The following NRXN1 variants were observed in gnomAD, a reference collection of about 807,000 sequenced individuals.
NRXN1 encodes the protein neurexin-1.
In NRXN1, 39 loss-of-function variants were observed where a neutral mutation model predicts 150.9. The observed-to-expected ratio is 0.26, with a 90% CI of 0.20 to 0.34. The LOEUF (loss-of-function observed/expected upper bound fraction) is 0.34. Ranked by LOEUF, NRXN1 falls within the 10% of genes least tolerant of loss-of-function variation. NRXN1 has a pLI of 1.00. For missense variants in NRXN1, 1,815 were observed against 1,949.9 expected, an observed-to-expected ratio of 0.93 and a Z score of 1.30; for synonymous variants, 924 against 757.0, an observed-to-expected ratio of 1.22 and a Z score of -3.62.
intron 5 of NRXN1, among the ~76,000 whole-genome samples, chr2:50,682,481 GGGAAAGGAAAATC>G (rs1354874491): frequency 6.6e-6 from 1 of 152,056 alleles, no homozygotes; most frequent in Non-Finnish European, 1.5e-5. Flanking sequence ...CATTAAATAA[GGGAAAGGAAAATC>G]TACTAGGAGC....
intron 8 of NRXN1, among the ~76,000 whole-genome samples, chr2:50,564,854 T>C (rs192609390): frequency 1.1e-3 from 168 of 152,332 alleles, no homozygotes; most frequent in African/African-American, 3.9e-3. Flanking sequence ...AGATGTCAGA[T>C]GGGTTGTGCC....
At chr2:50,142,159 T>C (rs531768702) in intron 18 of NRXN1, among the ~76,000 whole-genome samples, 1 of 152,120 alleles carries the variant, frequency 6.6e-6, no homozygotes, top group Non-Finnish European at 1.5e-5. Context: ...TGCAGCAACA[T>C]GAATGAAACT....
chr2:50,200,672 A>T (rs2062094886), intron 18 of NRXN1, among the ~76,000 whole-genome samples: 1 of 152,140 alleles, frequency 6.6e-6, no homozygotes, highest in African/African-American at 2.4e-5. Flanking sequence ...GAATAAAATC[A>T]TTTGGTTTCC....
At chr2:50,573,264 G>A (rs1214362461) in intron 8 of NRXN1, among the ~76,000 whole-genome samples, 1 of 151,996 alleles carries the variant, frequency 6.6e-6, no homozygotes, top group East Asian at 1.9e-4. Context: ...TCAGGAGGCT[G>A]AGGCAGAAGG....
At chr2:50,178,996 T>C (rs2060526162) in intron 18 of NRXN1, among the ~76,000 whole-genome samples, 1 of 152,088 alleles carries the variant, frequency 6.6e-6, no homozygotes, top group Non-Finnish European at 1.5e-5. Context: ...CAGTTTATAT[T>C]TATAATTGTA....
At chr2:50,254,722 C>T (rs1161044392) in intron 17 of NRXN1, among the ~76,000 whole-genome samples, 1 of 152,110 alleles carries the variant, frequency 6.6e-6, no homozygotes, top group African/African-American at 2.4e-5. Flanking sequence ...TTACTCATTC[C>T]TTATCTCAAG....
intron 17 of NRXN1, among the ~76,000 whole-genome samples, chr2:50,378,481 T>A (rs2080694192): frequency 6.6e-6 from 1 of 152,116 alleles, no homozygotes; most frequent in Non-Finnish European, 1.5e-5. Flanking sequence ...TCTGTAGAAT[T>A]TCGGTTGCTT....
chr2:50,277,679 G>C (rs2070741816), intron 17 of NRXN1, among the ~76,000 whole-genome samples: 1 of 151,952 alleles, frequency 6.6e-6, no homozygotes, highest in South Asian at 2.1e-4. Context: ...TTTCATGTCA[G>C]TTTGTAGCTG....
intron 16 of NRXN1, among the ~76,000 whole-genome samples, chr2:50,466,220 GA>G (rs1177720973): frequency 6.6e-6 from 1 of 151,400 alleles, no homozygotes; most frequent in African/African-American, 2.4e-5. Context: ...GAAAAACAAA[GA>G]ACTAAAAAAA....
At chr2:50,490,127 A>G (rs2091162571) in intron 15 of NRXN1, among the ~76,000 whole-genome samples, 2 of 152,200 alleles carry the variant, frequency 1.3e-5, no homozygotes, top group Admixed American at 6.5e-5. Context: ...TCTTATTTCT[A>G]CATACTCAGA....
intron 8 of NRXN1, among the ~76,000 whole-genome samples, chr2:50,597,881 G>A (rs547474353): frequency 6.6e-6 from 1 of 152,310 alleles, no homozygotes; most frequent in South Asian, 2.1e-4. Context: ...GCTCACGGCT[G>A]TAATCCCAGC....
intron 8 of NRXN1, among the ~76,000 whole-genome samples, chr2:50,570,469 C>T (rs1386483653): frequency 3.9e-5 from 6 of 152,060 alleles, no homozygotes; most frequent in African/African-American, 1.4e-4. Context: ...CCTCCTTATG[C>T]TAACATATCA....
intron 2 of NRXN1, among the ~76,000 whole-genome samples, chr2:50,996,373 A>C (rs997510108): frequency 2.0e-5 from 3 of 152,066 alleles, no homozygotes; most frequent in African/African-American, 7.2e-5. Context: ...TGATGGGTTT[A>C]CCTTCCCTTG....
At chr2:49,950,403 G>C (rs1459489358) in intron 21 of NRXN1, among the ~76,000 whole-genome samples, 1 of 151,860 alleles carries the variant, frequency 6.6e-6, no homozygotes, top group African/African-American at 2.4e-5. Flanking sequence ...AGTATGTGGA[G>C]GATGAATTTT....
Position 50,531,140 on chromosome 2 carries a change from G to A in NRXN1, c.2347+87C>T, listed in dbSNP as rs1558889221. On this transcript the variant is annotated intron_variant, in intron 11 of 22. Coordinates refer to ENST00000401669, the MANE Select transcript of NRXN1 (RefSeq NM_001330078.2). ...CCATTAAGTGTTTTAATTTTCCATGGCAAACAGGCTACTTGATCAATGTTT... is the reference window on the plus strand; with the variant it reads ...CCATTAAGTGTTTTAATTTTCCATGACAAACAGGCTACTTGATCAATGTTT... The A allele has an allele frequency of 5.6e-6, 6 of 1,063,636 alleles. No homozygotes were observed. The East Asian group carries it at 1.6e-4, about 28-fold the overall frequency. The allele number at this position is 1,063,636 out of a possible 1,614,324, so 65.9% of individuals were successfully genotyped here.
chr2:50,510,785 G>A (rs1236095832), intron 12 of NRXN1, among the ~76,000 whole-genome samples: 2 of 152,098 alleles, frequency 1.3e-5, no homozygotes, highest in African/African-American at 4.8e-5. Context: ...ATTAAAATGT[G>A]TTTTCCACAG....
intron 21 of NRXN1, among the ~76,000 whole-genome samples, chr2:49,968,157 T>C (rs1245270849): frequency 6.7e-6 from 1 of 149,626 alleles, no homozygotes; most frequent in Non-Finnish European, 1.5e-5. Context: ...AAAAAGAAAA[T>C]TAAGAGCTGG....
At chr2:50,273,239 CACA>C (rs748152618) in intron 17 of NRXN1, among the ~76,000 whole-genome samples, 2 of 152,282 alleles carry the variant, frequency 1.3e-5, no homozygotes, top group South Asian at 2.1e-4. Flanking sequence ...ATGAAAACTG[CACA>C]ACATTTTCCC....
At chr2:50,028,837 G>A (rs566331156) in intron 21 of NRXN1, among the ~76,000 whole-genome samples, 2 of 152,336 alleles carry the variant, frequency 1.3e-5, no homozygotes, top group South Asian at 4.1e-4. Flanking sequence ...TATTAGGTAA[G>A]ATGGGATTGA....
Sources: allele counts gnomAD v4.1 joint callset (sites outside exome capture counted in the v4.1 genomes callset), GRCh38; gene constraint gnomAD v4.1.1; transcripts MANE v1.5; gene names NCBI Gene and HGNC (gene_info 2026-07-23, HGNC 2026-07-21).